The following STPG2 variants were observed in gnomAD, a reference collection of about 807,000 sequenced individuals.
STPG2 encodes sperm tail PG-rich repeat containing 2.
STPG2 carries 56 observed loss-of-function variants against 54.2 expected under a neutral mutation model. The ratio of observed to expected loss-of-function variants is 1.03; its 90% CI spans 0.83 to 1.29. The LOEUF (loss-of-function observed/expected upper bound fraction) is 1.29. Among genes scored for constraint, STPG2 ranks in the 50% most tolerant of loss-of-function variants. The pLI is 0.00. For synonymous variants in STPG2, 200 were observed against 181.8 expected, an observed-to-expected ratio of 1.10 and a Z score of -0.81; for missense variants, 596 against 544.9, an observed-to-expected ratio of 1.09 and a Z score of -0.93.
chr4:97,612,127 C>T (rs976747874), intron 10 of STPG2, among the ~76,000 whole-genome samples: 3 of 151,230 alleles, frequency 2.0e-5, no homozygotes, highest in Non-Finnish European at 4.4e-5. Context: ...CATGACTAGA[C>T]ATTTCACATA....
intron 9 of STPG2, among the ~76,000 whole-genome samples, chr4:97,815,913 G>C (rs1324324369): frequency 6.6e-6 from 1 of 152,016 alleles, no homozygotes; most frequent in Non-Finnish European, 1.5e-5. Context: ...TAAGTTCTGG[G>C]ATACATGTGC....
At chr4:98,007,977 A>C (rs538387190) in intron 5 of STPG2, among the ~76,000 whole-genome samples, 1 of 152,156 alleles carries the variant, frequency 6.6e-6, no homozygotes, top group Admixed American at 6.5e-5. Context: ...AAACTTAAGA[A>C]TCCTTGGTAT....
chr4:97,539,783 G>A (rs1220986423), intron 4 of STPG2, among the ~76,000 whole-genome samples: 1 of 151,132 alleles, frequency 6.6e-6, no homozygotes, highest in Non-Finnish European at 1.5e-5. Context: ...CCTATTCTCA[G>A]ACCAAAGTGC....
chr4:97,533,936 T>A (rs1455088632), intron 4 of STPG2, among the ~76,000 whole-genome samples: 1 of 152,064 alleles, frequency 6.6e-6, no homozygotes, highest in Non-Finnish European at 1.5e-5. Flanking sequence ...TGAAATGCAA[T>A]TGTTAGGTTA....
intron 4 of STPG2, among the ~76,000 whole-genome samples, chr4:97,486,410 G>GA (rs1205677610): frequency 6.6e-5 from 10 of 151,508 alleles, no homozygotes; most frequent in Non-Finnish European, 1.2e-4. Context: ...CAACAAAAAT[G>GA]AAAAAATGTT....
chr4:97,901,384 A>C (rs554946680), intron 8 of STPG2, among the ~76,000 whole-genome samples: 2 of 152,024 alleles, frequency 1.3e-5, no homozygotes, highest in Non-Finnish European at 2.9e-5. Flanking sequence ...TCAGAAAAGA[A>C]GAAGCAAAAT....
intron 5 of STPG2, among the ~76,000 whole-genome samples, chr4:97,992,743 T>C (rs1735060899): frequency 6.6e-6 from 1 of 152,184 alleles, no homozygotes; most frequent in African/African-American, 2.4e-5. Context: ...GGGATGTGTT[T>C]CCATTTATTT....
intron 9 of STPG2, among the ~76,000 whole-genome samples, chr4:97,830,054 C>A (rs1479627591): frequency 2.0e-5 from 3 of 151,942 alleles, no homozygotes; most frequent in Admixed American, 2.0e-4. Flanking sequence ...AGAAGAGAAA[C>A]CCCAAGACAC....
chr4:98,003,640 A>T (rs1379605748), intron 5 of STPG2, among the ~76,000 whole-genome samples: 1 of 152,082 alleles, frequency 6.6e-6, no homozygotes, highest in African/African-American at 2.4e-5. Flanking sequence ...TTTATATTTC[A>T]TTTCAAAAGC....
At chr4:97,735,655 A>G (rs1378895017) in intron 9 of STPG2, among the ~76,000 whole-genome samples, 1 of 149,760 alleles carries the variant, frequency 6.7e-6, no homozygotes, top group Non-Finnish European at 1.5e-5. Flanking sequence ...ACAGATGTGT[A>G]TATTCTTATA....
intron 4 of STPG2, among the ~76,000 whole-genome samples, chr4:97,456,724 T>G (rs914715446): frequency 7.9e-5 from 12 of 151,318 alleles, no homozygotes; most frequent in Admixed American, 5.3e-4. Context: ...TGAAACCCCA[T>G]CTCTACTAAA....
chr4:97,918,194 C>T (rs1731958415), intron 8 of STPG2, among the ~76,000 whole-genome samples: 1 of 152,026 alleles, frequency 6.6e-6, no homozygotes, highest in African/African-American at 2.4e-5. Flanking sequence ...TATATTATAC[C>T]TATCTTTTCC....
chr4:97,446,686 A>C lies in STPG2; in HGVS notation c.463-258853T>G, dbSNP rs536331475. ...TTCTCATGAGATCTGATGGTTTTAT[A>C]AGTGTTGGCAGTACCTCTTCCCTCT... On this transcript the variant is annotated intron_variant, in intron 4 of 4. Coordinates refer to the STPG2 transcript ENST00000522676. 2.0e-5 allele frequency among the ~76,000 whole-genome samples: 3 copies of C among 152,212 alleles called. No homozygotes were observed. The East Asian group carries it at 5.8e-4, about 30-fold the overall frequency.
At chr4:97,860,052 T>A (rs1408625851) in intron 8 of STPG2, among the ~76,000 whole-genome samples, 1 of 152,222 alleles carries the variant, frequency 6.6e-6, no homozygotes, top group Non-Finnish European at 1.5e-5. Context: ...TTTGGCTTTA[T>A]TTCTGAGTTC....
At chr4:97,471,025 C>G (rs2148814868) in intron 4 of STPG2, among the ~76,000 whole-genome samples, 1 of 152,222 alleles carries the variant, frequency 6.6e-6, no homozygotes, top group East Asian at 1.9e-4. Flanking sequence ...ATGTTTATGA[C>G]TAATGAGTAG....
At chr4:97,677,968 T>A (rs1198859395) in intron 10 of STPG2, among the ~76,000 whole-genome samples, 1 of 152,188 alleles carries the variant, frequency 6.6e-6, no homozygotes, top group Non-Finnish European at 1.5e-5. Flanking sequence ...TAAATTGTTT[T>A]AAAAAATTAT....
intron 3 of STPG2, among the ~76,000 whole-genome samples, chr4:98,119,681 G>A (rs1463534704): frequency 6.6e-6 from 1 of 151,928 alleles, no homozygotes; most frequent in Non-Finnish European, 1.5e-5. Context: ...TGCCATGGTG[G>A]TTTGCTGCAT....
intron 5 of STPG2, among the ~76,000 whole-genome samples, chr4:98,015,009 GT>G (rs1170464487): frequency 6.6e-6 from 1 of 152,032 alleles, no homozygotes; most frequent in Non-Finnish European, 1.5e-5. Flanking sequence ...GCAATCAGTT[GT>G]TTTTATCTTA....
intron 8 of STPG2, among the ~76,000 whole-genome samples, chr4:97,923,408 C>T (rs113373742): frequency 0.013 from 1,919 of 151,954 alleles, 19 homozygotes; most frequent in Non-Finnish European, 0.02. Flanking sequence ...GGAGTGCAGG[C>T]GCACAGCGCA....
Sources: gnomAD v4.1 joint callset for allele counts (sites outside exome capture counted in the v4.1 genomes callset) on GRCh38, gnomAD v4.1.1 for gene constraint, MANE v1.5 for transcripts, NCBI Gene and HGNC (gene_info 2026-07-23, HGNC 2026-07-21) for gene names.